Variants in SRSF5 observed in about 807,000 individuals in gnomAD.
SRSF5 encodes serine/arginine-rich splicing factor 5.
In SRSF5, 5 loss-of-function variants were observed where a neutral mutation model predicts 34.0. The observed-to-expected ratio is 0.15, with a 90% CI of 0.08 to 0.31. The LOEUF is 0.31. Among genes scored for constraint, SRSF5 ranks in the 10% least tolerant of loss-of-function variants. The probability of loss-of-function intolerance (pLI) is 1.00; values close to 1 mark genes in which losing one functional copy is unlikely to be tolerated. For synonymous variants in SRSF5, 164 were observed against 117.7 expected, an observed-to-expected ratio of 1.39 and a Z score of -2.55; for missense variants, 223 against 351.4, an observed-to-expected ratio of 0.63 and a Z score of 2.92.
At chr14:69,767,381 G>T (rs1002415015) in intron 1 of SRSF5, 126 bp downstream of exon 1, 18 of 455,878 alleles carry the variant, frequency 3.9e-5, no homozygotes, top group Non-Finnish European at 7.1e-5. Context: ...TTGATTCGAG[G>T]TGGGCGCTGG....
In SRSF5 at chr14:69,771,401, T is replaced by C; in HGVS notation, c.759T>C (p.Ser253=). Residue 253 remains serine, a synonymous_variant, in exon 8 of 8, where the codon TCT becomes TCC. Transcript: ENST00000557154. ...GSSSRSKSPA[S]VDRQRSRSRS... is the part of the protein sequence containing the mutation. ...CAAGTAGATCTAAGTCTCCAGCATC[T>C]GTGGATCGCCAGAGGTCCCGGTCCC... is the stretch of plus-strand genomic sequence containing the variant. 2 of 1,614,238 alleles carry C rather than the reference T, an allele frequency of 1.2e-6. No homozygotes were observed. The highest frequency in any genetic ancestry group is 1.7e-6 in the Non-Finnish European group (2 of 1,180,048).
rs954744364 is a variant in SRSF5 at position 69,770,916 on chromosome 14, C to T, written c.441-79C>T. 1.8e-5 allele frequency: 22 copies of T among 1,254,904 alleles called. No individual in the cohort carries two copies. The East Asian group carries it at 3.0e-4, about 17-fold the overall frequency. 77.7% of individuals were successfully genotyped at this position (1,254,904 alleles called of 1,614,324 possible). The stretch of plus-strand genomic sequence containing the variant: ...GCAATAGCAAAAGTGAACATAGAAA[C>T]GACTTACCTAGACTGCTGTGTGCAA... On this transcript the variant is annotated intron_variant, in intron 6 of 7. Transcript: ENST00000557154.
chr14:69,770,450 A>T lies in SRSF5; in HGVS notation c.367-17A>T. The T allele has an allele frequency of 6.2e-7, 1 of 1,612,690 alleles. No individual in the cohort carries two copies. On this transcript the variant is annotated splice_polypyrimidine_tract_variant and intron_variant, in intron 5 of 7. Transcript: ENST00000557154. ...CCCTTTCCTCTTCTTTGCTTAACAC[A>T]ATTATCTTGTGTTAAGGATCTCAAA...
At chr14:69,768,507 A>G (rs998066810) in intron 2 of SRSF5, 97 bp from the exon 3 acceptor site, 1 of 1,328,292 alleles carries the variant, frequency 7.5e-7, no homozygotes. Flanking sequence ...TGTCGTTAAG[A>G]TACTCTTCCC....
chr14:69,770,436 T>G (rs768986132), intron 5 of SRSF5, 31 bp from the exon 6 acceptor site: 2 of 1,607,622 alleles, frequency 1.2e-6, no homozygotes, highest in African/African-American at 2.7e-5. Flanking sequence ...CCTTTCCTCT[T>G]CTTTGCTTAA....
chr14:69,768,949 A>G (rs754092120), intron 4 of SRSF5, 53 bp downstream of exon 4: 1 of 1,560,676 alleles, frequency 6.4e-7, no homozygotes. Context: ...GGTAGCATTT[A>G]AGATTCAGGA....
chr14:69,769,800 C>A (rs1038492244), intron 5 of SRSF5: 4 of 1,340,078 alleles, frequency 3.0e-6, no homozygotes, highest in East Asian at 2.8e-5. Flanking sequence ...TTGAAAGATA[C>A]GAAATTAGGT....
Position 69,770,152 on chromosome 14 carries a change from T to C in SRSF5, c.367-315T>C, listed in dbSNP as rs192809681. Reference sequence around the variant, plus strand: ...TACTTTAGTCTTTACTTTAAAAATATGTACTGTTTCCTTTTTTGTTGTTTT... The same window carrying C: ...TACTTTAGTCTTTACTTTAAAAATACGTACTGTTTCCTTTTTTGTTGTTTT... On this transcript the variant is annotated intron_variant, in intron 5 of 7. Transcript: ENST00000557154. 12 of 1,075,370 alleles carry C rather than the reference T, an allele frequency of 1.1e-5. No homozygotes were observed. The East Asian group carries it at 5.3e-4, about 47-fold the overall frequency. The allele number at this position is 1,075,370 out of a possible 1,614,324, so 66.6% of individuals were successfully genotyped here.
rs1372349445 is a variant in SRSF5, at chr14:69,770,117, A to G, written c.367-350A>G. 4.8e-6 allele frequency: 5 copies of G among 1,036,764 alleles called. No homozygotes were observed. The African/African-American group carries it at 6.8e-5, about 14-fold the overall frequency. 64.2% of individuals were successfully genotyped at this position (1,036,764 alleles called of 1,614,324 possible). A position where few individuals can be genotyped will look rare whatever the true frequency, so the allele number is the denominator to read the frequency against. On this transcript the variant is annotated intron_variant, in intron 5 of 7. Coordinates refer to ENST00000557154, the MANE Select transcript of SRSF5 (RefSeq NM_001320214.2). Reference sequence around the variant, plus strand: ...TTGTAAATGTTCTGTTTTTTTAAATAAAACTTCTCTACTTTAGTCTTTACT... The same window carrying G: ...TTGTAAATGTTCTGTTTTTTTAAATGAAACTTCTCTACTTTAGTCTTTACT...
chr14:69,770,738 G>C (rs1883105900), intron 6 of SRSF5, 198 bp downstream of exon 6: 2 of 643,482 alleles, frequency 3.1e-6, no homozygotes, highest in Non-Finnish European at 5.4e-6. Context: ...GAGAGAGGAT[G>C]CTGTTGGCAT....
Position 69,770,934 on chromosome 14 carries a change from G to C in SRSF5, c.441-61G>C. On this transcript the variant is annotated intron_variant, in intron 6 of 7. Coordinates refer to ENST00000557154, the MANE Select transcript of SRSF5 (RefSeq NM_001320214.2). ...ATAGAAACGACTTACCTAGACTGCT[G>C]TGTGCAATGTGTGAGACTACAGGAT... 5 of 1,396,388 alleles carry C rather than the reference G, an allele frequency of 3.6e-6. No homozygotes were observed. The South Asian group carries it at 6.2e-5, about 17-fold the overall frequency. The allele number at this position is 1,396,388 out of a possible 1,614,324, so 86.5% of individuals were successfully genotyped here.
In SRSF5 at chr14:69,771,463, C is replaced by A. The variant is rs911474292; in HGVS notation, c.*2C>A. 1 of 1,609,646 alleles carries A rather than the reference C, an allele frequency of 6.2e-7. No individual in the cohort carries two copies. The highest frequency in any genetic ancestry group is 1.3e-5 in the African/African-American group (1 of 74,728). On this transcript the variant is annotated 3_prime_UTR_variant, in exon 8 of 8. Coordinates refer to ENST00000557154, the MANE Select transcript of SRSF5 (RefSeq NM_001320214.2). ...AGATCAGTTGACAGTGGCAATTAAA[C>A]TGTAAATAACTTGCCCTGGGGGCCT...
intron 5 of SRSF5, chr14:69,770,065 CAT>C: frequency 2.9e-6 from 3 of 1,024,514 alleles, no homozygotes; most frequent in African/African-American, 3.4e-5. Flanking sequence ...TTTTTAATGA[CAT>C]ATGGGGCACA....
At chr14:69,768,955 CAG>C in intron 4 of SRSF5, 59 bp downstream of exon 4, 3 of 1,545,558 alleles carry the variant, frequency 1.9e-6, no homozygotes, top group Non-Finnish European at 1.8e-6. Context: ...ATTTAAGATT[CAG>C]GAGTCATTAG....
chr14:69,769,008 A>C lies in SRSF5; in HGVS notation c.296+112A>C, dbSNP rs369417333. 3 of 1,306,980 alleles carry C rather than the reference A, an allele frequency of 2.3e-6. No individual in the cohort carries two copies. The South Asian group carries it at 3.7e-5, about 16-fold the overall frequency. 81.0% of individuals were successfully genotyped at this position (1,306,980 alleles called of 1,614,324 possible). ...GTCCTGCCGTATAATCTGTTCTTCT[A>C]TTCCCACGTTAGCCAGTTGTTCTTG... On this transcript the variant is annotated intron_variant, in intron 4 of 7. Coordinates refer to ENST00000557154, the MANE Select transcript of SRSF5 (RefSeq NM_001320214.2).
chr14:69,768,105 T>G, intron 1 of SRSF5, 33 bp from the exon 2 acceptor site: 1 of 1,611,124 alleles, frequency 6.2e-7, no homozygotes, highest in Non-Finnish European at 8.5e-7. Context: ...TGACAGTCAT[T>G]GCTATTATCT....
At position 69,768,692 on chromosome 14, in the gene SRSF5, CTAGA is replaced by C; in HGVS notation, c.197+21_197+24del. 6.2e-7 allele frequency: 1 copy of C among 1,613,540 alleles called. No individual in the cohort carries two copies. The highest frequency in any genetic ancestry group is 8.5e-7 in the Non-Finnish European group (1 of 1,179,450). ...AGTGAAAGGTGAGATTCCTGTGTAA[CTAGA>C]TAACCCTGGGACATAGAGCAGACTG... On this transcript the variant is annotated intron_variant, in intron 3 of 7. Coordinates refer to ENST00000557154, the MANE Select transcript of SRSF5 (RefSeq NM_001320214.2).
chr14:69,768,708 C>G (rs1566625804), intron 3 of SRSF5, 34 bp downstream of exon 3: 2 of 1,611,068 alleles, frequency 1.2e-6, no homozygotes, highest in African/African-American at 1.3e-5. Flanking sequence ...AACCCTGGGA[C>G]ATAGAGCAGA....
chr14:69,767,651 C>T (rs538420514), intron 1 of SRSF5: 37 of 394,134 alleles, frequency 9.4e-5, no homozygotes, highest in South Asian at 5.5e-4. Context: ...GCACGCGCAG[C>T]TCTGCTGCCT....
Sources: gnomAD v4.1 joint callset for allele counts on GRCh38, gnomAD v4.1.1 for gene constraint, MANE v1.5 for transcripts, NCBI Gene and HGNC (gene_info 2026-07-23, HGNC 2026-07-21) for gene names.